AVEN: variants seen among roughly 807,000 people sequenced by gnomAD.
AVEN encodes apoptosis and caspase activation inhibitor.
A neutral mutation model predicts 38.1 loss-of-function variants in AVEN; 41 were observed. The observed-to-expected ratio is 1.08, with a 90% CI of 0.84 to 1.40. The LOEUF (loss-of-function observed/expected upper bound fraction) is 1.40, where lower values mean the gene tolerates loss of function less well. AVEN is among the 40% of genes most tolerant of loss of function. The pLI is 0.00. For synonymous variants in AVEN, 206 were observed against 171.8 expected (o/e 1.20, Z -1.56); for missense variants, 605 against 438.8 (o/e 1.38, Z -3.38).
chr15:34,007,964 G>A (rs1897435152), intron 1 of AVEN, among the ~76,000 whole-genome samples: 1 of 152,112 alleles, frequency 6.6e-6, no homozygotes, highest in Non-Finnish European at 1.5e-5. Flanking sequence ...TACTGGATTA[G>A]GGCCTACCTT....
intron 2 of AVEN, among the ~76,000 whole-genome samples, chr15:33,891,133 A>G (rs1438416267): frequency 6.6e-6 from 1 of 152,128 alleles, no homozygotes; most frequent in Non-Finnish European, 1.5e-5. Context: ...AGATATACTA[A>G]AATGTCTGGC....
intron 4 of AVEN, among the ~76,000 whole-genome samples, chr15:33,870,283 G>A (rs117009048): frequency 6.6e-6 from 1 of 152,118 alleles, no homozygotes; most frequent in African/African-American, 2.4e-5. Context: ...CTGTGCATGT[G>A]TATGTGCACA....
At chr15:33,956,504 A>T (rs1894958837) in intron 2 of AVEN, among the ~76,000 whole-genome samples, 1 of 152,242 alleles carries the variant, frequency 6.6e-6, no homozygotes, top group Admixed American at 6.5e-5. Flanking sequence ...GTCTGCTCAT[A>T]GCCTTTGCCC....
exon 1 of AVEN, among the ~76,000 whole-genome samples, chr15:34,074,554 G>A (rs991141720): frequency 8.5e-5 from 13 of 152,108 alleles, no homozygotes; most frequent in Non-Finnish European, 1.9e-4. Context: ...TGGTAGTCTT[G>A]TGTTCCTCAG....
At chr15:33,954,822 T>A (rs1047327249) in intron 2 of AVEN, among the ~76,000 whole-genome samples, 9 of 152,296 alleles carry the variant, frequency 5.9e-5, no homozygotes, top group Admixed American at 2.0e-4. Flanking sequence ...TCAATCTGCA[T>A]CTAGTCCCAC....
At chr15:33,864,129 T>G, downstream of AVEN, 1 of 1,607,814 alleles carries the variant, frequency 6.2e-7, no homozygotes, top group Non-Finnish European at 8.5e-7. Flanking sequence ...TATCTTTTCC[T>G]CGTTCCAGGT....
intron 2 of AVEN, among the ~76,000 whole-genome samples, chr15:33,881,256 A>C (rs1891474243): frequency 6.6e-6 from 1 of 151,712 alleles, no homozygotes; most frequent in Non-Finnish European, 1.5e-5. Context: ...TGCCCAGCAA[A>C]TTTATTTTTT....
intron 1 of AVEN, among the ~76,000 whole-genome samples, chr15:34,017,505 C>T (rs1448057869): frequency 2.1e-5 from 2 of 93,888 alleles, no homozygotes; most frequent in Non-Finnish European, 3.8e-5. Flanking sequence ...TTTTTTGAGA[C>T]AGGGTCTTGC....
chr15:34,038,719 G>T, intron 1 of AVEN, 61 bp downstream of exon 1: 1 of 1,123,038 alleles, frequency 8.9e-7, no homozygotes, highest in Non-Finnish European at 1.1e-6. Context: ...TTGACTGGCG[G>T]CCTCGGCCCC....
chr15:34,026,454 T>G (rs142631596), intron 1 of AVEN, among the ~76,000 whole-genome samples: 1 of 152,174 alleles, frequency 6.6e-6, no homozygotes, highest in Admixed American at 6.6e-5. Context: ...GGGAGATATG[T>G]TGAGAAAGGT....
chr15:33,910,548 T>C (rs1892879710), intron 2 of AVEN, among the ~76,000 whole-genome samples: 1 of 152,206 alleles, frequency 6.6e-6, no homozygotes, highest in African/African-American at 2.4e-5. Context: ...ATACAAGGTC[T>C]TCCTCTCTCA....
intron 4 of AVEN, 84 bp from the exon 5 acceptor site, chr15:33,867,939 C>G: frequency 6.8e-7 from 1 of 1,474,830 alleles, no homozygotes. Flanking sequence ...CTAAACGAAG[C>G]CATCAAACTT....
intron 3 of AVEN, among the ~76,000 whole-genome samples, chr15:33,873,679 C>T (rs1181476899): frequency 2.6e-5 from 4 of 151,676 alleles, no homozygotes; most frequent in Non-Finnish European, 4.4e-5. Context: ...GACAGGAAAT[C>T]GTTTTGATGG....
chr15:33,943,647 C>G (rs538492970), intron 2 of AVEN, among the ~76,000 whole-genome samples: 3 of 151,926 alleles, frequency 2.0e-5, no homozygotes, highest in Non-Finnish European at 4.4e-5. Flanking sequence ...ACTAGCCTGG[C>G]CAACATGGTG....
chr15:33,963,056 A>G (rs1451004322), intron 2 of AVEN, among the ~76,000 whole-genome samples: 1 of 152,168 alleles, frequency 6.6e-6, no homozygotes, highest in Non-Finnish European at 1.5e-5. Context: ...CCTAACAGTT[A>G]GATGCCTATA....
Position 33,861,202 on chromosome 15 carries a change from G to A in AVEN, n.2730-2108C>T, listed in dbSNP as rs751972242. ...TTGTGAGTATTCTTGGTTAACAAAA[G>A]TAATGGCAGCTGTAGCGTAAATAAA... On this transcript the variant is annotated intron_variant and non_coding_transcript_variant, in intron 11 of 11. Transcript: ENST00000675287. 40 of 1,526,188 alleles carry A rather than the reference G, an allele frequency of 2.6e-5. No individual in the cohort carries two copies. The Middle Eastern group carries it at 1.8e-3, about 70-fold the overall frequency. 94.5% of individuals were successfully genotyped at this position (1,526,188 alleles called of 1,614,324 possible). A position where few individuals can be genotyped will look rare whatever the true frequency, so the allele number is the denominator to read the frequency against.
intron 2 of AVEN, among the ~76,000 whole-genome samples, chr15:33,982,798 T>TTC (rs58340239): frequency 1.2e-4 from 18 of 150,458 alleles, no homozygotes; most frequent in African/African-American, 2.2e-4. Context: ...ATCAACCACA[T>TTC]TCTCTCTCTC....
In AVEN at chr15:33,894,341, G is replaced by T. The variant is rs138342652; in HGVS notation, c.446-18346C>A. On this transcript the variant is annotated intron_variant, in intron 2 of 5. Transcript: ENST00000306730. ...TCTGCCCAATCTCCAGAAAGAACAC[G>T]CACTGGATACTGCAGCTACATAACA... is the stretch of plus-strand genomic sequence containing the variant. 4.2e-3 allele frequency among the ~76,000 whole-genome samples: 641 copies of T among 152,010 alleles called. 4 individuals are homozygous for T. Among genetic ancestry groups the T allele is most frequent in the Non-Finnish European group, 7.9e-3 (535 of 67,986 alleles).
chr15:33,859,410 T>C (rs1567349918), intron 11 of AVEN, among the ~76,000 whole-genome samples: 1 of 152,222 alleles, frequency 6.6e-6, no homozygotes, highest in African/African-American at 2.4e-5. Context: ...GTCCAGAGGG[T>C]GCAGTGGACA....
Sources: allele counts gnomAD v4.1 joint callset (sites outside exome capture counted in the v4.1 genomes callset), GRCh38; gene constraint gnomAD v4.1.1; transcripts MANE v1.5; gene names NCBI Gene and HGNC (gene_info 2026-07-23, HGNC 2026-07-21).